RYR2: variants seen among roughly 807,000 people sequenced by gnomAD.
RYR2 encodes ryanodine receptor 2.
A neutral mutation model predicts 601.1 loss-of-function variants in RYR2; 227 were observed. That is an observed-to-expected ratio of 0.38 (90% CI 0.34 to 0.42). The LOEUF (loss-of-function observed/expected upper bound fraction) is 0.42, where lower values mean the gene tolerates loss of function less well. Ranked by LOEUF, RYR2 falls within the 10% of genes least tolerant of loss-of-function variation. The pLI is 1.00. For synonymous variants in RYR2, 2,223 were observed against 2,175.1 expected (o/e 1.02, Z -0.61); for missense variants, 4,646 against 6,156.5 (o/e 0.75, Z 8.21).
chr1:237,336,101 A>G (rs1431489330), intron 3 of RYR2, among the ~76,000 whole-genome samples: 2 of 152,148 alleles, frequency 1.3e-5, no homozygotes, highest in Non-Finnish European at 2.9e-5. Flanking sequence ...AATTTCATGT[A>G]TGTTATAGAA....
intron 8 of RYR2, among the ~76,000 whole-genome samples, chr1:237,382,056 C>A (rs1701565793): frequency 6.6e-6 from 1 of 152,146 alleles, no homozygotes; most frequent in African/African-American, 2.4e-5. Context: ...CAAAATGAAT[C>A]TTACAAAACA....
At position 237,793,958 on chromosome 1, in the gene RYR2, A is replaced by C; in HGVS notation, c.13874A>C (p.Asp4625Ala). 6.2e-7 allele frequency: 1 copy of C among 1,611,560 alleles called. No homozygotes were observed. Among genetic ancestry groups the C allele is most frequent in the East Asian group, 2.2e-5 (1 of 44,810 alleles). The stretch of plus-strand genomic sequence containing the variant: ...ATTACAGAACAGCCTTCAGAAGATG[A>C]TATTAAAGGCCAGTGGGATAGACTC... ...LYITEQPSED[D>A]IKGQWDRLVI... The change falls in exon 95 of 105, where the codon GAT becomes GCT. Residue 4625 changes from aspartate (D) to alanine (A), a missense_variant. Physicochemically the swap from Asp to Ala is moderately radical, Grantham distance 126. Around this residue, in one of 17 missense-constraint regions of RYR2, gnomAD observed 37 missense variants for 102.8 expected, o/e 0.36. Transcript: ENST00000366574.
At chr1:237,670,941 A>C (rs1465129841) in intron 58 of RYR2, among the ~76,000 whole-genome samples, 1 of 152,234 alleles carries the variant, frequency 6.6e-6, no homozygotes. Flanking sequence ...TTTTCTAAAT[A>C]AGCATGATAG....
intron 19 of RYR2, 77 bp from the exon 20 acceptor site, chr1:237,496,434 G>C: frequency 8.3e-6 from 13 of 1,569,876 alleles, no homozygotes; most frequent in Non-Finnish European, 1.1e-5. Flanking sequence ...ATACACAAGT[G>C]AAATTGTGAG....
Position 237,468,608 on chromosome 1 carries a change from A to G in RYR2, c.1613-484A>G, listed in dbSNP as rs1336140370. 2.0e-5 allele frequency among the ~76,000 whole-genome samples: 3 copies of G among 152,352 alleles called. No individual in the cohort carries two copies. In the East Asian group the frequency reaches 5.8e-4, roughly 29 times the overall value. ...CCATTATTTAATGTAACATTTAGTT[A>G]TATCTCTCTGTATACCTGTTAGAGT... On this transcript the variant is annotated intron_variant, in intron 16 of 104. Coordinates refer to ENST00000366574, the MANE Select transcript of RYR2 (RefSeq NM_001035.3).
chr1:237,590,244 A>G (rs1675005530), intron 30 of RYR2, among the ~76,000 whole-genome samples: 1 of 151,222 alleles, frequency 6.6e-6, no homozygotes, highest in African/African-American at 2.4e-5. Flanking sequence ...GAAGAAGTCT[A>G]TAGCTCAGAC....
rs574778614 is a variant in RYR2, at chr1:237,106,268, G to C, written c.48+63699G>C. On this transcript the variant is annotated intron_variant, in intron 1 of 104. Coordinates refer to ENST00000366574, the MANE Select transcript of RYR2 (RefSeq NM_001035.3). The surrounding 1 kb of genome is among the most constrained non-coding windows in gnomAD (Gnocchi z 4.4). ...TAAACAGGGGTGGGCAGGGAGAACA[G>C]CTCCCCTGCACCAGCTCCCGCTGGG... Among the ~76,000 whole-genome samples the C allele has an allele frequency of 6.6e-6, 1 of 152,354 alleles. No individual in the cohort carries two copies. Among genetic ancestry groups the C allele is most frequent in the Non-Finnish European group, 1.5e-5 (1 of 68,034 alleles).
At chr1:237,743,331 A>T (rs533387145) in intron 80 of RYR2, among the ~76,000 whole-genome samples, 12 of 152,318 alleles carry the variant, frequency 7.9e-5, no homozygotes, top group Admixed American at 1.3e-4. Flanking sequence ...AAATATAAAA[A>T]CAATCTAATT....
intron 1 of RYR2, among the ~76,000 whole-genome samples, chr1:237,103,414 C>T (rs183865982): frequency 6.6e-5 from 10 of 152,280 alleles, no homozygotes; most frequent in African/African-American, 2.4e-4. Context: ...GTACTTTGAA[C>T]CTGAAGTAAG....
intron 48 of RYR2, among the ~76,000 whole-genome samples, chr1:237,644,042 C>T (rs1454444284): frequency 6.6e-6 from 1 of 152,170 alleles, no homozygotes; most frequent in African/African-American, 2.4e-5. Context: ...CCTCCATTGT[C>T]TTATGTCCTG....
chr1:237,276,545 A>G (rs563586983), intron 2 of RYR2, among the ~76,000 whole-genome samples: 1 of 152,340 alleles, frequency 6.6e-6, no homozygotes, highest in Admixed American at 6.5e-5. Flanking sequence ...AATTCTGAAA[A>G]TTGGTCCTTT....
At chr1:237,404,479 G>A (rs193111078) in intron 10 of RYR2, among the ~76,000 whole-genome samples, 1 of 152,220 alleles carries the variant, frequency 6.6e-6, no homozygotes. Flanking sequence ...AAATATAATA[G>A]TAATACTTAA....
At chr1:237,256,030 C>A (rs1351317689) in intron 1 of RYR2, among the ~76,000 whole-genome samples, 1 of 152,076 alleles carries the variant, frequency 6.6e-6, no homozygotes, top group Admixed American at 6.6e-5. Context: ...GGCTGTGTCG[C>A]CACCCAAATC....
intron 1 of RYR2, among the ~76,000 whole-genome samples, chr1:237,045,178 A>C (rs1397144184): frequency 6.6e-6 from 1 of 152,146 alleles, no homozygotes; most frequent in Admixed American, 6.5e-5. Context: ...GTCATTGTCT[A>C]TTGGATTTGT....
intron 79 of RYR2, 115 bp downstream of exon 79, chr1:237,733,871 A>T: frequency 1.3e-6 from 1 of 742,574 alleles, no homozygotes; most frequent in South Asian, 1.6e-5. Context: ...TGTTTGTAGC[A>T]TGAATCTCCG....
At chr1:237,577,054 G>A (rs1673300845) in intron 29 of RYR2, among the ~76,000 whole-genome samples, 1 of 152,122 alleles carries the variant, frequency 6.6e-6, no homozygotes, top group African/African-American at 2.4e-5. Context: ...TGTGTGACAG[G>A]ATCTCTGAAA....
At chr1:237,569,596 C>T (rs1010838858) in intron 29 of RYR2, among the ~76,000 whole-genome samples, 1 of 151,980 alleles carries the variant, frequency 6.6e-6, no homozygotes, top group Admixed American at 6.6e-5. Flanking sequence ...AATAGGTTTC[C>T]ATCATTGTTA....
chr1:237,741,562 C>T (rs1369806989), intron 79 of RYR2, among the ~76,000 whole-genome samples: 1 of 152,030 alleles, frequency 6.6e-6, no homozygotes, highest in Non-Finnish European at 1.5e-5. Context: ...ATAATAGCAG[C>T]TGAGATGTAT....
chr1:237,474,875 G>C (rs571423012), intron 17 of RYR2, among the ~76,000 whole-genome samples: 2 of 152,294 alleles, frequency 1.3e-5, no homozygotes, highest in Non-Finnish European at 2.9e-5. Flanking sequence ...ATGTGCTGTT[G>C]ACTGTCTGGC....
Sources: allele counts gnomAD v4.1 joint callset (sites outside exome capture counted in the v4.1 genomes callset), GRCh38; gene constraint gnomAD v4.1.1; regional missense constraint gnomAD v4.1.1; non-coding constraint Gnocchi (gnomAD v3.1); transcripts MANE v1.5; gene names NCBI Gene and HGNC (gene_info 2026-07-23, HGNC 2026-07-21).